Variants in WWOX observed in about 807,000 individuals in gnomAD.
WWOX encodes the protein WW domain containing oxidoreductase.
WWOX carries 69 observed loss-of-function variants against 46.2 expected under a neutral mutation model. The ratio of observed to expected loss-of-function variants is 1.49; its 90% confidence interval spans 1.23 to 1.82. WWOX has a LOEUF of 1.82. Ranked by LOEUF, WWOX falls within the 40% of genes most tolerant of loss-of-function variation. The pLI, the probability that WWOX is intolerant of heterozygous loss-of-function variation, is 0.00. For missense variants in WWOX, 919 were observed against 542.6 expected (o/e 1.69, Z -6.89); for synonymous variants, 359 against 202.6 (o/e 1.77, Z -6.56).
chr16:78,724,918 T>C (rs2048789376), intron 8 of WWOX, among the ~76,000 whole-genome samples: 1 of 152,186 alleles, frequency 6.6e-6, no homozygotes, highest in Non-Finnish European at 1.5e-5. Flanking sequence ...GAGCACCTAG[T>C]AGTGATTCCA....
At chr16:78,801,144 C>T (rs995313475) in intron 8 of WWOX, among the ~76,000 whole-genome samples, 2 of 151,936 alleles carry the variant, frequency 1.3e-5, no homozygotes, top group African/African-American at 4.8e-5. Context: ...GCCTCCACCT[C>T]TGCCTCCCAG....
At chr16:78,429,919 C>G (rs958328306) in intron 7 of WWOX, among the ~76,000 whole-genome samples, 2 of 152,128 alleles carry the variant, frequency 1.3e-5, no homozygotes, top group South Asian at 2.1e-4. Context: ...AATGGACTCT[C>G]ATAAAAAAGC....
At chr16:78,252,907 G>C (rs931254568) in intron 5 of WWOX, among the ~76,000 whole-genome samples, 17 of 152,174 alleles carry the variant, frequency 1.1e-4, no homozygotes, top group African/African-American at 3.9e-4. Context: ...GAACAACACA[G>C]ATTGCAAAAT....
At chr16:79,007,560 C>T (rs1007272555) in intron 8 of WWOX, among the ~76,000 whole-genome samples, 2 of 152,174 alleles carry the variant, frequency 1.3e-5, no homozygotes, top group Non-Finnish European at 2.9e-5. Flanking sequence ...TAACCGAATC[C>T]CCACTACATA....
At chr16:78,829,907 C>T (rs1280917774) in intron 8 of WWOX, among the ~76,000 whole-genome samples, 2 of 152,120 alleles carry the variant, frequency 1.3e-5, no homozygotes, top group Admixed American at 6.5e-5. Context: ...CTTCTAAATA[C>T]CATCTGACAT....
intron 8 of WWOX, among the ~76,000 whole-genome samples, chr16:79,024,791 CA>C (rs1296074256): frequency 6.6e-6 from 1 of 151,992 alleles, no homozygotes; most frequent in African/African-American, 2.4e-5. Context: ...AAGCTGATCT[CA>C]AAATCCTGGC....
Position 78,763,719 on chromosome 16 carries a change from C to T in WWOX, c.1056+330967C>T, listed in dbSNP as rs146676407. Among the ~76,000 whole-genome samples, 8 of 152,324 alleles carry T rather than the reference C, an allele frequency of 5.3e-5. 2 individuals are homozygous for T. The highest frequency in any genetic ancestry group is 3.3e-4 in the Admixed American group (5 of 15,298). The stretch of plus-strand genomic sequence containing the variant: ...CCACGAAGTTGTTATTTGGTATTCA[C>T]GAGTTTTGTCTCAATTCCTTTTGAT... On this transcript the variant is annotated intron_variant, in intron 8 of 8. Coordinates refer to ENST00000566780, the MANE Select transcript of WWOX (RefSeq NM_016373.4).
At chr16:78,787,332 C>A (rs1332272445) in intron 8 of WWOX, among the ~76,000 whole-genome samples, 1 of 152,184 alleles carries the variant, frequency 6.6e-6, no homozygotes, top group Non-Finnish European at 1.5e-5. Flanking sequence ...CCCATTTCCT[C>A]CTTCCCCCAG....
chr16:78,701,008 G>C (rs547979254), intron 8 of WWOX, among the ~76,000 whole-genome samples: 151 of 152,240 alleles, frequency 9.9e-4, no homozygotes, highest in African/African-American at 3.2e-3. Context: ...GGCTGCCTAG[G>C]TTTGAATCCA....
At chr16:78,760,178 C>G (rs754339217) in intron 8 of WWOX, among the ~76,000 whole-genome samples, 1 of 152,112 alleles carries the variant, frequency 6.6e-6, no homozygotes, top group Non-Finnish European at 1.5e-5. Context: ...CGGCAGCAGA[C>G]GAGAGAGAGT....
intron 5 of WWOX, among the ~76,000 whole-genome samples, chr16:78,169,285 A>T (rs1363076621): frequency 2.6e-5 from 4 of 152,182 alleles, no homozygotes; most frequent in African/African-American, 7.2e-5. Context: ...TTTATTTAAC[A>T]GCAGTGTCTA....
At chr16:79,009,497 T>G (rs972863952) in intron 8 of WWOX, among the ~76,000 whole-genome samples, 5 of 152,086 alleles carry the variant, frequency 3.3e-5, no homozygotes, top group African/African-American at 9.7e-5. Context: ...AGATGGACTT[T>G]CGCTGTGTCA....
At chr16:78,708,817 AT>A (rs1469793002) in intron 8 of WWOX, among the ~76,000 whole-genome samples, 1 of 152,250 alleles carries the variant, frequency 6.6e-6, no homozygotes, top group Non-Finnish European at 1.5e-5. Context: ...GGTGTTGGCC[AT>A]AAAAAAATTA....
At chr16:78,972,720 C>T (rs910677314) in intron 8 of WWOX, among the ~76,000 whole-genome samples, 4 of 152,214 alleles carry the variant, frequency 2.6e-5, no homozygotes, top group African/African-American at 9.6e-5. Flanking sequence ...CCTCAGGTCA[C>T]CCAAGACTCC....
At position 78,713,246 on chromosome 16, in the gene WWOX, C is replaced by G. The variant is rs2048482265; in HGVS notation, c.1056+280494C>G. 2.2e-5 allele frequency among the ~76,000 whole-genome samples: 3 copies of G among 134,724 alleles called. No individual in the cohort carries two copies. The South Asian group carries it at 7.0e-4, about 31-fold the overall frequency. 88.4% of individuals were successfully genotyped at this position (134,724 alleles called of 152,430 possible). ...CTGTGATTGTGCCACTGCACTTTAG[C>G]CTGGGTGACAAAGTGAGACTCTGTC... On this transcript the variant is annotated intron_variant, in intron 8 of 8. Transcript: ENST00000566780.
At chr16:78,726,189 TTTCCTTCC>T (rs1181857912) in intron 8 of WWOX, among the ~76,000 whole-genome samples, 1 of 148,946 alleles carries the variant, frequency 6.7e-6, no homozygotes, top group African/African-American at 2.5e-5. Flanking sequence ...TCTCTCTCTC[TTTCCTTCC>T]TTCCTTCCTT....
chr16:79,112,332 T>C (rs2049433073), intron 8 of WWOX, among the ~76,000 whole-genome samples: 1 of 152,164 alleles, frequency 6.6e-6, no homozygotes, highest in Admixed American at 6.5e-5. Context: ...ACCTTCATTC[T>C]GAATATTTTT....
intron 8 of WWOX, among the ~76,000 whole-genome samples, chr16:78,712,755 T>G (rs748497642): frequency 9.9e-5 from 15 of 152,144 alleles, no homozygotes; most frequent in Non-Finnish European, 1.5e-4. Flanking sequence ...ACAAGTGAAA[T>G]GATATGATAA....
chr16:78,235,805 C>G (rs2037418360), intron 5 of WWOX, among the ~76,000 whole-genome samples: 1 of 152,172 alleles, frequency 6.6e-6, no homozygotes, highest in Admixed American at 6.5e-5. Context: ...CACAGAGCCA[C>G]CAATTACTAA....
Sources: gnomAD v4.1 joint callset for allele counts (sites outside exome capture counted in the v4.1 genomes callset) on GRCh38, gnomAD v4.1.1 for gene constraint, MANE v1.5 for transcripts, NCBI Gene and HGNC (gene_info 2026-07-23, HGNC 2026-07-21) for gene names.